The following CENPL variants were observed in gnomAD, a reference collection of about 807,000 sequenced individuals.
CENPL encodes the protein centromere protein L.
In CENPL, 20 loss-of-function variants were observed where a neutral mutation model predicts 35.2. The ratio of observed to expected loss-of-function variants is 0.57; its 90% confidence interval spans 0.40 to 0.83. The LOEUF (loss-of-function observed/expected upper bound fraction) is 0.83, where lower values mean the gene tolerates loss of function less well. CENPL is among the 40% of genes least tolerant of loss of function. CENPL has a pLI of 0.00. For missense variants in CENPL, 363 were observed against 395.8 expected (o/e 0.92, Z 0.70); for synonymous variants, 140 against 140.6 (o/e 1.00, Z 0.03).
chr1:173,811,265 C>T lies in CENPL; in HGVS notation c.35G>A (p.Ser12Asn), dbSNP rs768818748. 2.5e-6 allele frequency: 4 copies of T among 1,612,876 alleles called. No homozygotes were observed. The highest frequency in any genetic ancestry group is 3.4e-6 in the Non-Finnish European group (4 of 1,179,058). ...GTAATCTTCAGGTCTTGAGGATGCA[C>T]TAGGAGTTGACTCTGGTGCACTGTA... ...DSYSAPESTPSASSRPEDYFI... is the reference protein window; with the variant it reads ...DSYSAPESTPNASSRPEDYFI... Residue 12 changes from serine to asparagine, a missense_variant, in exon 3 of 6, where the codon AGT (serine) becomes AAT (asparagine). Coordinates refer to ENST00000682279, the MANE Select transcript of CENPL (RefSeq NM_001387287.1).
At chr1:173,815,504 C>T (rs1314845760) in intron 2 of CENPL, among the ~76,000 whole-genome samples, 1 of 152,158 alleles carries the variant, frequency 6.6e-6, no homozygotes, top group African/African-American at 2.4e-5. Context: ...AAGTCAGCTT[C>T]GTTCCTAGGA....
rs562810769 is a variant in CENPL, at chr1:173,811,446, C to A, written c.-7-140G>T. 6.0e-4 allele frequency: 350 copies of A among 581,528 alleles called. 1 individual carries two copies. In the African/African-American group the frequency reaches 6.1e-3, roughly 10 times the overall value. The allele number at this position is 581,528 out of a possible 1,614,324, so 36.0% of individuals were successfully genotyped here. On this transcript the variant is annotated intron_variant, in intron 2 of 5. Transcript: ENST00000682279. ...CCTATCCCCAGTTTTGACTTTTAAA[C>A]CAAGTCCTATATTCCTCATTGGCTA...
intron 2 of CENPL, among the ~76,000 whole-genome samples, chr1:173,813,158 A>G (rs1374142929): frequency 6.6e-6 from 1 of 152,238 alleles, no homozygotes; most frequent in Non-Finnish European, 1.5e-5. Context: ...AAAGGCTCCA[A>G]GAAATATGGG....
chr1:173,807,539 A>C (rs751248479), intron 3 of CENPL, 21 bp from the exon 4 acceptor site: 3 of 1,481,702 alleles, frequency 2.0e-6, no homozygotes, highest in Non-Finnish European at 2.7e-6. Flanking sequence ...AAATCAAGAC[A>C]AAAGAAGTTT....
intron 2 of CENPL, among the ~76,000 whole-genome samples, chr1:173,815,369 CAG>C (rs1651258588): frequency 6.6e-6 from 1 of 152,116 alleles, no homozygotes; most frequent in South Asian, 2.1e-4. Flanking sequence ...CAAAGCCTGG[CAG>C]AGACACAACA....
chr1:173,806,226 TC>T (rs1368177663), intron 4 of CENPL, among the ~76,000 whole-genome samples: 1 of 152,188 alleles, frequency 6.6e-6, no homozygotes, highest in Non-Finnish European at 1.5e-5. Context: ...GAACTTAATT[TC>T]CTTATCCATT....
At chr1:173,806,590 A>C (rs1030349855) in intron 4 of CENPL, 5 of 285,842 alleles carry the variant, frequency 1.7e-5, no homozygotes, top group Non-Finnish European at 3.5e-5. Flanking sequence ...TCTCAAAAAA[A>C]TAAAATAAAA....
intron 3 of CENPL, among the ~76,000 whole-genome samples, chr1:173,808,142 TGAC>T (rs1650413468): frequency 6.6e-6 from 1 of 152,164 alleles, no homozygotes; most frequent in African/African-American, 2.4e-5. Context: ...GCACAGTGGC[TGAC>T]GACTGTAATC....
intron 4 of CENPL, among the ~76,000 whole-genome samples, chr1:173,805,920 T>A (rs1376040122): frequency 6.6e-6 from 1 of 152,174 alleles, no homozygotes; most frequent in African/African-American, 2.4e-5. Flanking sequence ...TCCCAGAACA[T>A]CTTGAGATCT....
At chr1:173,804,289 G>C (rs1043601016) in intron 4 of CENPL, among the ~76,000 whole-genome samples, 3 of 152,164 alleles carry the variant, frequency 2.0e-5, no homozygotes, top group Non-Finnish European at 2.9e-5. Context: ...AATCACATCT[G>C]ATCTCTCTTC....
Position 173,802,988 on chromosome 1 carries a change from G to A in CENPL, c.938C>T (p.Ser313Leu), listed in dbSNP as rs141850049. 5 of 1,611,640 alleles carry A rather than the reference G, an allele frequency of 3.1e-6. No homozygotes were observed. Among genetic ancestry groups the A allele is most frequent in the Non-Finnish European group, 4.2e-6 (5 of 1,178,216 alleles). Residue 313 changes from serine (S) to leucine (L), a missense_variant, in exon 5 of 6, where the codon TCA becomes TTA. Transcript: ENST00000682279. ...RLVRVSTSVA[S>L]AHTDGKIKIL... Reference sequence around the variant, plus strand: ...CTTTATTTTTCCATCAGTATGTGCTGAAGCTACAGATGTTGAAACACGAAC... The same window carrying A: ...CTTTATTTTTCCATCAGTATGTGCTAAAGCTACAGATGTTGAAACACGAAC...
chr1:173,814,945 T>C (rs929167663), intron 2 of CENPL, among the ~76,000 whole-genome samples: 16 of 151,954 alleles, frequency 1.1e-4, no homozygotes, highest in African/African-American at 3.9e-4. Flanking sequence ...TTAGCAAGAC[T>C]AATAAAGAAG....
intron 4 of CENPL, among the ~76,000 whole-genome samples, chr1:173,806,085 A>G (rs1211934413): frequency 6.6e-6 from 1 of 152,256 alleles, no homozygotes; most frequent in Non-Finnish European, 1.5e-5. Context: ...ATATATAAGC[A>G]AATAAAAGGG....
chr1:173,812,179 C>T (rs909368435), intron 2 of CENPL, among the ~76,000 whole-genome samples: 10 of 152,232 alleles, frequency 6.6e-5, no homozygotes, highest in Non-Finnish European at 1.3e-4. Context: ...TCAAACTGGG[C>T]GAAGCCCACC....
intron 4 of CENPL, chr1:173,806,458 C>T (rs1404927921): frequency 2.2e-6 from 1 of 445,650 alleles, no homozygotes; most frequent in Non-Finnish European, 4.5e-6. Context: ...GTGGCATGCA[C>T]CTGCAGTCCC....
intron 3 of CENPL, 21 bp from the exon 4 acceptor site, chr1:173,807,539 A>G (rs751248479): frequency 1.3e-6 from 2 of 1,481,584 alleles, no homozygotes; most frequent in South Asian, 2.9e-5. Flanking sequence ...AAATCAAGAC[A>G]AAAGAAGTTT....
intron 2 of CENPL, 50 bp from the exon 3 acceptor site, chr1:173,811,356 C>A: frequency 1.6e-6 from 2 of 1,281,002 alleles, no homozygotes; most frequent in South Asian, 2.7e-5. Context: ...AAAGTTAATT[C>A]ATGCTTACAG....
intron 4 of CENPL, among the ~76,000 whole-genome samples, chr1:173,805,582 C>G (rs1301377174): frequency 6.6e-6 from 1 of 151,936 alleles, no homozygotes; most frequent in Non-Finnish European, 1.5e-5. Flanking sequence ...TTTCTAGCCT[C>G]CCTTCCAACT....
chr1:173,802,228 C>T (rs59845733), intron 5 of CENPL, among the ~76,000 whole-genome samples: 13,737 of 151,022 alleles, frequency 0.091, 2,024 homozygotes, highest in African/African-American at 0.31. Flanking sequence ...TCTTTTGAGA[C>T]GGAGTCTCGC....
Sources: gnomAD v4.1 joint callset for allele counts (sites outside exome capture counted in the v4.1 genomes callset) on GRCh38, gnomAD v4.1.1 for gene constraint, MANE v1.5 for transcripts, NCBI Gene and HGNC (gene_info 2026-07-23, HGNC 2026-07-21) for gene names.